RFX3: variants seen among roughly 807,000 people sequenced by gnomAD.
The protein encoded by RFX3 is regulatory factor X3.
RFX3 carries 14 observed loss-of-function variants against 98.6 expected under a neutral mutation model. The ratio of observed to expected loss-of-function variants is 0.14; its 90% CI spans 0.09 to 0.22. RFX3 has a LOEUF of 0.22. RFX3 is among the 10% of genes least tolerant of loss of function. The pLI is 1.00. For synonymous variants in RFX3, 383 were observed against 328.4 expected (o/e 1.17, Z -1.80); for missense variants, 639 against 926.9 (o/e 0.69, Z 4.03).
At chr9:3,424,119 C>CCG (rs1843727507) in intron 1 of RFX3, among the ~76,000 whole-genome samples, 3 of 150,298 alleles carry the variant, frequency 2.0e-5, no homozygotes, top group Non-Finnish European at 1.5e-5. Flanking sequence ...TACACTCCAG[C>CCG]CTGGGCGACA....
intron 2 of RFX3, among the ~76,000 whole-genome samples, chr9:3,375,260 C>T (rs923553093): frequency 2.6e-5 from 4 of 152,158 alleles, no homozygotes; most frequent in East Asian, 3.8e-4. Flanking sequence ...TATAGGAGTG[C>T]GCCTGATAAT....
chr9:3,250,166 AAC>A (rs1821197604), intron 14 of RFX3, among the ~76,000 whole-genome samples: 1 of 151,912 alleles, frequency 6.6e-6, no homozygotes, highest in Non-Finnish European at 1.5e-5. Flanking sequence ...AAAAAGCAAA[AAC>A]AACACAAAAA....
chr9:3,480,647 C>T (rs1323458626), intron 1 of RFX3, among the ~76,000 whole-genome samples: 1 of 152,176 alleles, frequency 6.6e-6, no homozygotes, highest in Non-Finnish European at 1.5e-5. Context: ...ATTCTCTGTT[C>T]TTTCCCACAA....
At chr9:3,453,085 C>T (rs968212025) in intron 1 of RFX3, among the ~76,000 whole-genome samples, 1 of 152,078 alleles carries the variant, frequency 6.6e-6, no homozygotes, top group Non-Finnish European at 1.5e-5. Flanking sequence ...TCCCGTAAGA[C>T]TGTTGGAAAG....
At chr9:3,480,427 A>G (rs1410782915) in intron 1 of RFX3, among the ~76,000 whole-genome samples, 1 of 152,216 alleles carries the variant, frequency 6.6e-6, no homozygotes. Flanking sequence ...GACCTGGAAG[A>G]GCTTTAATCC....
chr9:3,448,656 C>T (rs1846271519), intron 1 of RFX3, among the ~76,000 whole-genome samples: 1 of 152,140 alleles, frequency 6.6e-6, no homozygotes, highest in Non-Finnish European at 1.5e-5. Context: ...GTAGCTAGGA[C>T]TACAGATGCA....
At chr9:3,511,184 A>T (rs561366290) in intron 1 of RFX3, among the ~76,000 whole-genome samples, 1 of 152,056 alleles carries the variant, frequency 6.6e-6, no homozygotes, top group Non-Finnish European at 1.5e-5. Context: ...ACCTCTTCAT[A>T]TCTTAATCAT....
intron 1 of RFX3, among the ~76,000 whole-genome samples, chr9:3,522,549 G>A (rs1489590645): frequency 1.5e-5 from 2 of 136,264 alleles, no homozygotes; most frequent in African/African-American, 3.2e-5. Flanking sequence ...CTGGAAAAGT[G>A]TGTGTGCGTG....
At chr9:3,457,008 G>T (rs1847229281) in intron 1 of RFX3, among the ~76,000 whole-genome samples, 1 of 151,956 alleles carries the variant, frequency 6.6e-6, no homozygotes, top group African/African-American at 2.4e-5. Context: ...GGGTGTGGTG[G>T]TATGCACCTG....
At chr9:3,524,702 G>T (rs1819044894) in intron 1 of RFX3, 2 of 809,084 alleles carry the variant, frequency 2.5e-6, no homozygotes, top group Admixed American at 6.3e-5. Context: ...CTGCGGGGAA[G>T]GAGGATCATC....
chr9:3,226,498 C>A (rs1405086493), intron 16 of RFX3, among the ~76,000 whole-genome samples: 1 of 152,184 alleles, frequency 6.6e-6, no homozygotes, highest in Admixed American at 6.5e-5. Flanking sequence ...TGTGATTAAA[C>A]AGCTGGAGAT....
Position 3,525,754 on chromosome 9 carries a change from G to T in RFX3, c.-16C>A. On this transcript the variant is annotated 5_prime_UTR_variant, in exon 1 of 17. Transcript: ENST00000617270. ...AGACCGAAGAATATTCACCTTGGCT[G>T]TGGATTATTGTGGTGTTGTTGGTGG... The T allele has an allele frequency of 3.1e-6, 1 of 324,138 alleles. No individual in the cohort carries two copies. Among genetic ancestry groups the T allele is most frequent in the Non-Finnish European group, 4.4e-6 (1 of 224,986 alleles). 20.1% of individuals were successfully genotyped at this position (324,138 alleles called of 1,614,324 possible).
chr9:3,389,404 A>G (rs977467785), intron 2 of RFX3, among the ~76,000 whole-genome samples: 1 of 152,162 alleles, frequency 6.6e-6, no homozygotes, highest in Admixed American at 6.5e-5. Context: ...TAAAGATGAT[A>G]GGATGGGTAA....
chr9:3,504,944 A>AATATAATATATATTAT (rs1816739392), intron 1 of RFX3, among the ~76,000 whole-genome samples: 4 of 59,328 alleles, frequency 6.7e-5, no homozygotes, highest in African/African-American at 4.0e-4. Flanking sequence ...TAATATATAT[A>AATATAATATATATTAT]ATATAATATA....
intron 1 of RFX3, among the ~76,000 whole-genome samples, chr9:3,412,939 G>C (rs1842580722): frequency 6.6e-6 from 1 of 151,816 alleles, no homozygotes; most frequent in Non-Finnish European, 1.5e-5. Flanking sequence ...TAGAGAACAG[G>C]GTTACTTCAG....
intron 1 of RFX3, among the ~76,000 whole-genome samples, chr9:3,404,193 C>T (rs1399140849): frequency 6.6e-6 from 1 of 151,990 alleles, no homozygotes; most frequent in African/African-American, 2.4e-5. Context: ...AGGTGGACCT[C>T]AAAAAAACCT....
At chr9:3,515,373 C>T (rs1431718501) in intron 1 of RFX3, among the ~76,000 whole-genome samples, 1 of 152,102 alleles carries the variant, frequency 6.6e-6, no homozygotes, top group African/African-American at 2.4e-5. Context: ...TGCCCGTCTT[C>T]ACAAAAATAG....
chr9:3,382,622 A>C (rs985153863), intron 2 of RFX3, among the ~76,000 whole-genome samples: 1 of 152,154 alleles, frequency 6.6e-6, no homozygotes, highest in African/African-American at 2.4e-5. Flanking sequence ...TCTAGCAATG[A>C]GGTTTGTAAA....
Position 3,220,798 on chromosome 9 carries a change from T to C in RFX3, c.*4244A>G, listed in dbSNP as rs1439925648. 1 of 152,212 alleles carries C rather than the reference T, an allele frequency of 6.6e-6. No individual in the cohort carries two copies. The highest frequency in any genetic ancestry group is 1.5e-5 in the Non-Finnish European group (1 of 68,048). 9.4% of individuals were successfully genotyped at this position (152,212 alleles called of 1,614,324 possible). On this transcript the variant is annotated 3_prime_UTR_variant, in exon 17 of 17. Transcript: ENST00000617270. The stretch of plus-strand genomic sequence containing the variant: ...GCATTACATCAAAGGGGTTTTCTAA[T>C]ACTAGAACTAAGCACTGAATTAATG...
Sources: gnomAD v4.1 joint callset for allele counts (sites outside exome capture counted in the v4.1 genomes callset) on GRCh38, gnomAD v4.1.1 for gene constraint, MANE v1.5 for transcripts, NCBI Gene and HGNC (gene_info 2026-07-23, HGNC 2026-07-21) for gene names.